SYT7: variants seen among roughly 807,000 people sequenced by gnomAD.
The protein encoded by SYT7 is synaptotagmin-7.
In SYT7, 29 loss-of-function variants were observed where a neutral mutation model predicts 75.1. That is an observed-to-expected ratio of 0.39 (90% CI 0.29 to 0.53). SYT7 has a LOEUF of 0.53. SYT7 is among the 20% of genes least tolerant of loss of function. The probability of loss-of-function intolerance (pLI) is 0.77; values close to 1 mark genes in which losing one functional copy is unlikely to be tolerated. For missense variants in SYT7, 693 were observed against 953.2 expected (o/e 0.73, Z 3.59); for synonymous variants, 376 against 401.7 (o/e 0.94, Z 0.76).
intron 1 of SYT7, among the ~76,000 whole-genome samples, chr11:61,558,568 T>G (rs1293135110): frequency 6.6e-6 from 1 of 151,778 alleles, no homozygotes; most frequent in Non-Finnish European, 1.5e-5. Context: ...TGTGTGTTTG[T>G]TGGGGAACAG....
intron 6 of SYT7, chr11:61,539,710 G>A (rs1454227047): frequency 6.6e-6 from 1 of 152,188 alleles, no homozygotes; most frequent in Non-Finnish European, 1.5e-5. Context: ...ACAAACAGGC[G>A]AGAAATAGCC....
chr11:61,531,468 A>C (rs914280239), intron 8 of SYT7, among the ~76,000 whole-genome samples: 1 of 151,774 alleles, frequency 6.6e-6, no homozygotes, highest in African/African-American at 2.4e-5. Context: ...GGGGGGGGGA[A>C]GATGGAAGGA....
Position 61,546,240 on chromosome 11 carries a change from C to T in SYT7, c.363G>A (p.Ser121=), listed in dbSNP as rs755172756. Residue 121 remains serine (S), a synonymous_variant, in exon 5 of 13, where the codon TCG becomes TCA. Coordinates refer to ENST00000539008, the MANE Select transcript of SYT7 (RefSeq NM_001365809.2). The surrounding 1 kb of genome is among the most constrained non-coding windows in gnomAD (Gnocchi z 7.6). Reference sequence around the variant, plus strand: ...CCGCCGCGGCGGCCACTTTGGCGCCCGACAGGAGGGTGCCACTGGAGGCAT... The same window carrying T: ...CCGCCGCGGCGGCCACTTTGGCGCCTGACAGGAGGGTGCCACTGGAGGCAT... ...PRLSLNGTLL[S]GAKVAAAAGL... is the part of the protein sequence containing the mutation. 1.0e-5 allele frequency: 15 copies of T among 1,446,736 alleles called. No individual in the cohort carries two copies. The highest frequency in any genetic ancestry group is 4.3e-5 in the South Asian group (3 of 69,972). 89.6% of individuals were successfully genotyped at this position (1,446,736 alleles called of 1,614,324 possible).
At chr11:61,572,451 G>A (rs990783861) in intron 1 of SYT7, among the ~76,000 whole-genome samples, 18 of 152,214 alleles carry the variant, frequency 1.2e-4, no homozygotes, top group African/African-American at 4.3e-4. Flanking sequence ...GGAGGCACCA[G>A]GCAACGTAGC....
At chr11:61,530,716 G>T in intron 8 of SYT7, 1 of 859,834 alleles carries the variant, frequency 1.2e-6, no homozygotes, top group Non-Finnish European at 1.4e-6. Context: ...TTGGCTCCTG[G>T]CTGCCAAACA....
chr11:61,565,772 G>C (rs1016561052), intron 1 of SYT7, among the ~76,000 whole-genome samples: 2 of 152,254 alleles, frequency 1.3e-5, no homozygotes, highest in African/African-American at 4.8e-5. Context: ...GCTAGCAAAA[G>C]AGGAAGCCCA....
At chr11:61,531,891 CA>C (rs58242073) in intron 8 of SYT7, among the ~76,000 whole-genome samples, 1,344 of 49,360 alleles carry the variant, frequency 0.027, 6 homozygotes, top group African/African-American at 0.051. Context: ...GATTCTGTCT[CA>C]AAAAAAAAAA....
Position 61,543,689 on chromosome 11 carries a change from C to CTGTA in SYT7, c.573-1114_573-1111dup, listed in dbSNP as rs557462172. The stretch of plus-strand genomic sequence containing the variant: ...ATGAGGTTGGGCTGTGTTGAAAATG[C>CTGTA]TGTATTGGTAAAAGCTCCCCATGCC... On this transcript the variant is annotated intron_variant, in intron 5 of 12. Coordinates refer to ENST00000539008, the MANE Select transcript of SYT7 (RefSeq NM_001365809.2). Among the ~76,000 whole-genome samples the CTGTA allele has an allele frequency of 4.9e-4, 75 of 152,324 alleles. 1 individual carries two copies. The highest frequency in any genetic ancestry group is 8.8e-4 in the Non-Finnish European group (60 of 68,028).
intron 5 of SYT7, among the ~76,000 whole-genome samples, chr11:61,544,393 A>AT (rs1407778141): frequency 6.6e-6 from 1 of 152,190 alleles, no homozygotes; most frequent in Admixed American, 6.5e-5. Context: ...GAGAAAGAGT[A>AT]TAGTAAAGAG....
chr11:61,536,482 C>G (rs2062873991), intron 7 of SYT7, among the ~76,000 whole-genome samples: 1 of 152,214 alleles, frequency 6.6e-6, no homozygotes, highest in Non-Finnish European at 1.5e-5. Flanking sequence ...CCCCTGGCCC[C>G]CGGCCCTCCC....
chr11:61,546,123 G>A lies in SYT7; in HGVS notation c.480C>T (p.Ala160=). 1.3e-6 allele frequency: 2 copies of A among 1,530,736 alleles called. No individual in the cohort carries two copies. The allele number at this position is 1,530,736 out of a possible 1,614,324, so 94.8% of individuals were successfully genotyped here. A position where few individuals can be genotyped will look rare whatever the true frequency, so the allele number is the denominator to read the frequency against. The change falls in exon 5 of 13, where the codon GCC becomes GCT. Residue 160 remains alanine (A), a synonymous_variant. Transcript: ENST00000539008. The surrounding 1 kb of genome is among the most constrained non-coding windows in gnomAD (Gnocchi z 7.6). ...GEDALRSGGA[A]PSEPGSGGKA... Reference sequence around the variant, plus strand: ...TGCCACCGCTGCCCGGCTCGCTGGGGGCAGCCCCGCCGCTTCTCAAGGCGT... The same window carrying A: ...TGCCACCGCTGCCCGGCTCGCTGGGAGCAGCCCCGCCGCTTCTCAAGGCGT...
upstream of SYT7, among the ~76,000 whole-genome samples, chr11:61,583,326 A>G (rs1278694068): frequency 6.6e-6 from 1 of 152,140 alleles, no homozygotes; most frequent in Non-Finnish European, 1.5e-5. Context: ...AGATCCCTCC[A>G]CCCATCAATC....
At chr11:61,577,312 G>A (rs866915284) in intron 1 of SYT7, among the ~76,000 whole-genome samples, 6 of 152,222 alleles carry the variant, frequency 3.9e-5, no homozygotes, top group East Asian at 1.9e-4. Context: ...TCTTCAGTCC[G>A]GACTCTAACT....
upstream of SYT7, among the ~76,000 whole-genome samples, chr11:61,581,998 G>C (rs2064285968): frequency 6.6e-6 from 1 of 152,016 alleles, no homozygotes. Context: ...TGTCTCCTAA[G>C]GATAAGAAAA....
rs1486498447 is a variant in SYT7 at position 61,546,288 on chromosome 11, G to C, written c.348-33C>G. 1 of 1,391,864 alleles carries C rather than the reference G, an allele frequency of 7.2e-7. No individual in the cohort carries two copies. The highest frequency in any genetic ancestry group is 1.5e-5 in the African/African-American group (1 of 65,864). 86.2% of individuals were successfully genotyped at this position (1,391,864 alleles called of 1,614,324 possible). A position where few individuals can be genotyped will look rare whatever the true frequency, so the allele number is the denominator to read the frequency against. ...CATGCACGAGGCAGCCAGGCCAGAG[G>C]GGCACCGGGGGTGGCGGTGGGGGAG... On this transcript the variant is annotated intron_variant, in intron 4 of 12. Coordinates refer to ENST00000539008, the MANE Select transcript of SYT7 (RefSeq NM_001365809.2). This position sits in a 1 kb window ranked among gnomAD's most constrained non-coding sequence, Gnocchi z 7.6.
At chr11:61,545,000 G>A (rs1012072190) in intron 5 of SYT7, among the ~76,000 whole-genome samples, 6 of 152,176 alleles carry the variant, frequency 3.9e-5, no homozygotes, top group African/African-American at 1.4e-4. Flanking sequence ...CAGGGCTGTT[G>A]GCCTGTTAAA....
At position 61,549,850 on chromosome 11, in the gene SYT7, T is replaced by C. The variant is rs116600260; in HGVS notation, c.215+1534A>G. On this transcript the variant is annotated intron_variant, in intron 3 of 12. Transcript: ENST00000539008. Reference sequence around the variant, plus strand: ...GCCTGGCACAGCCTGCTGCCCGCCCTCCCCCTGGTTGGGAATCCTGTCTCC... The same window carrying C: ...GCCTGGCACAGCCTGCTGCCCGCCCCCCCCCTGGTTGGGAATCCTGTCTCC... Among the ~76,000 whole-genome samples the C allele has an allele frequency of 6.0e-3, 907 of 152,002 alleles. 6 individuals carry two copies. The highest frequency in any genetic ancestry group is 0.02 in the African/African-American group (849 of 41,422).
chr11:61,549,631 A>C (rs1287432083), intron 3 of SYT7, among the ~76,000 whole-genome samples: 2 of 152,216 alleles, frequency 1.3e-5, no homozygotes, highest in Non-Finnish European at 2.9e-5. Context: ...GTTCTCTGGA[A>C]AGAAGCAAAG....
upstream of SYT7, among the ~76,000 whole-genome samples, chr11:61,583,852 T>C (rs1170837922): frequency 6.6e-6 from 1 of 152,198 alleles, no homozygotes; most frequent in Non-Finnish European, 1.5e-5. Flanking sequence ...GCCTGCAGCA[T>C]TGACACAGAA....
Sources: gnomAD v4.1 joint callset for allele counts (sites outside exome capture counted in the v4.1 genomes callset) on GRCh38, gnomAD v4.1.1 for gene constraint, Gnocchi (gnomAD v3.1) non-coding constraint, MANE v1.5 for transcripts, NCBI Gene and HGNC (gene_info 2026-07-23, HGNC 2026-07-21) for gene names.